Variants in PARD3B observed in about 807,000 individuals in gnomAD.
PARD3B encodes the protein partitioning defective 3 homolog B.
In PARD3B, 103 loss-of-function variants were observed where a neutral mutation model predicts 130.2. That is an observed-to-expected ratio of 0.79 (90% CI 0.67 to 0.93). The LOEUF (loss-of-function observed/expected upper bound fraction) is 0.93. PARD3B is among the 40% of genes least tolerant of loss of function. The probability of loss-of-function intolerance (pLI) is 0.00; values close to 1 mark genes in which losing one functional copy is unlikely to be tolerated. For missense variants in PARD3B, 1,609 were observed against 1,499.2 expected, an observed-to-expected ratio of 1.07 and a Z score of -1.21; for synonymous variants, 583 against 553.2, an observed-to-expected ratio of 1.05 and a Z score of -0.76.
chr2:205,537,999 G>A (rs1235764159), intron 21 of PARD3B, among the ~76,000 whole-genome samples: 1 of 152,072 alleles, frequency 6.6e-6, no homozygotes, highest in Non-Finnish European at 1.5e-5. Context: ...GCTTGCCTAT[G>A]TTATGTCTCT....
chr2:204,631,804 CA>C (rs2034689698), intron 1 of PARD3B, among the ~76,000 whole-genome samples: 1 of 152,082 alleles, frequency 6.6e-6, no homozygotes, highest in African/African-American at 2.4e-5. Flanking sequence ...CTGGTGGTAA[CA>C]AATTCCCTCA....
intron 2 of PARD3B, among the ~76,000 whole-genome samples, chr2:204,944,520 A>G (rs1267993008): frequency 1.3e-5 from 2 of 152,192 alleles, no homozygotes; most frequent in African/African-American, 2.4e-5. Flanking sequence ...GTCTGAGGAA[A>G]GGGATCCCAT....
chr2:204,873,757 T>C (rs1393727714), intron 2 of PARD3B, among the ~76,000 whole-genome samples: 1 of 152,164 alleles, frequency 6.6e-6, no homozygotes, highest in Non-Finnish European at 1.5e-5. Context: ...GTAATGATTC[T>C]AGCTGCAAAT....
intron 2 of PARD3B, among the ~76,000 whole-genome samples, chr2:204,847,740 T>C (rs1416978855): frequency 6.6e-6 from 1 of 152,176 alleles, no homozygotes; most frequent in African/African-American, 2.4e-5. Context: ...ATAACGTCCC[T>C]GAAGCATAAG....
At chr2:205,053,554 C>T (rs747200901) in intron 4 of PARD3B, among the ~76,000 whole-genome samples, 12 of 151,550 alleles carry the variant, frequency 7.9e-5, no homozygotes, top group Admixed American at 4.0e-4. Context: ...GCAGGACAAT[C>T]GCTTGAACCT....
intron 20 of PARD3B, among the ~76,000 whole-genome samples, chr2:205,462,644 G>A (rs2048489853): frequency 6.6e-6 from 1 of 152,168 alleles, no homozygotes; most frequent in African/African-American, 2.4e-5. Context: ...TGGAGTTCTA[G>A]TAGATGATGC....
intron 2 of PARD3B, among the ~76,000 whole-genome samples, chr2:204,834,401 C>T (rs1482068932): frequency 1.3e-5 from 2 of 152,142 alleles, no homozygotes; most frequent in Non-Finnish European, 2.9e-5. Context: ...AGTAATTTGT[C>T]AGTTTTACAT....
chr2:205,571,682 G>A (rs919922110), intron 22 of PARD3B, among the ~76,000 whole-genome samples: 1 of 152,130 alleles, frequency 6.6e-6, no homozygotes, highest in Non-Finnish European at 1.5e-5. Context: ...GCTCTCCATC[G>A]AGAAGAGCAG....
chr2:205,378,635 CTTTTT>C (rs559839181), intron 18 of PARD3B, among the ~76,000 whole-genome samples: 1 of 137,128 alleles, frequency 7.3e-6, no homozygotes, highest in African/African-American at 2.7e-5. Context: ...ATTTTTTTTT[CTTTTT>C]TTTTTTTTTT....
intron 4 of PARD3B, among the ~76,000 whole-genome samples, chr2:205,058,953 C>CT (rs67253000): frequency 4.9e-4 from 72 of 147,350 alleles, no homozygotes; most frequent in African/African-American, 1.5e-3. Flanking sequence ...TTCAATTTTT[C>CT]TTTTTTTTTT....
At position 205,121,983 on chromosome 2, in the gene PARD3B, T is replaced by G; in HGVS notation, c.1165+34T>G. 1 of 1,510,482 alleles carries G rather than the reference T, an allele frequency of 6.6e-7. No homozygotes were observed. Among genetic ancestry groups the G allele is most frequent in the Non-Finnish European group, 9.0e-7 (1 of 1,112,408 alleles). 93.6% of individuals were successfully genotyped at this position (1,510,482 alleles called of 1,614,324 possible). A position where few individuals can be genotyped will look rare whatever the true frequency, so the allele number is the denominator to read the frequency against. ...TAAATTATGCCTAATAGCATTCTAT[T>G]ATTGTAACATGTAAAATTGGTTAAG... On this transcript the variant is annotated intron_variant, in intron 8 of 22. Transcript: ENST00000406610. This position sits in a 1 kb window ranked among gnomAD's most constrained non-coding sequence, Gnocchi z 5.0.
rs1355095061 is a variant in PARD3B at position 205,204,680 on chromosome 2, TCCC to T, written c.2140+11361_2140+11363del. Among the ~76,000 whole-genome samples the T allele has an allele frequency of 2.6e-5, 4 of 152,336 alleles. No homozygotes were observed. The East Asian group carries it at 7.7e-4, about 29-fold the overall frequency. ...GTTTTCTGCGTGTGGCTAGCAATTT[TCCC>T]AACACCATTTATTAAATAGGGAATC... On this transcript the variant is annotated intron_variant, in intron 15 of 22. Coordinates refer to ENST00000406610, the MANE Select transcript of PARD3B (RefSeq NM_001302769.2).
chr2:205,453,319 T>C (rs1198714477), intron 20 of PARD3B, among the ~76,000 whole-genome samples: 1 of 151,968 alleles, frequency 6.6e-6, no homozygotes, highest in Non-Finnish European at 1.5e-5. Context: ...AAACCACATA[T>C]ATTAGAAGAG....
chr2:204,875,235 T>G (rs2045791234), intron 2 of PARD3B, among the ~76,000 whole-genome samples: 3 of 152,210 alleles, frequency 2.0e-5, no homozygotes, highest in Admixed American at 2.0e-4. Flanking sequence ...AGCCTTTTAC[T>G]CATTGGCAGT....
At chr2:205,378,327 T>G (rs576593613) in intron 18 of PARD3B, among the ~76,000 whole-genome samples, 2 of 152,302 alleles carry the variant, frequency 1.3e-5, no homozygotes, top group East Asian at 3.9e-4. Context: ...ACAGGCAGGT[T>G]GAACAAAGGG....
chr2:204,634,496 G>A (rs975333821), intron 1 of PARD3B, among the ~76,000 whole-genome samples: 4 of 152,132 alleles, frequency 2.6e-5, no homozygotes, highest in African/African-American at 9.7e-5. Flanking sequence ...ACCATGCATT[G>A]CAGGTGAGTC....
chr2:204,666,296 G>A (rs2036020301), intron 1 of PARD3B, among the ~76,000 whole-genome samples: 1 of 152,188 alleles, frequency 6.6e-6, no homozygotes, highest in African/African-American at 2.4e-5. Flanking sequence ...GAGAACTGAG[G>A]AAGGATTCAT....
chr2:205,053,537 G>A (rs1029870465), intron 4 of PARD3B, among the ~76,000 whole-genome samples: 3 of 151,852 alleles, frequency 2.0e-5, no homozygotes, highest in Admixed American at 2.0e-4. Context: ...GCACTTGAGA[G>A]GCTGAGGCAG....
intron 3 of PARD3B, among the ~76,000 whole-genome samples, chr2:204,982,114 T>C (rs1692720985): frequency 6.6e-6 from 1 of 152,176 alleles, no homozygotes; most frequent in African/African-American, 2.4e-5. Context: ...CTTTTATTTT[T>C]TATTTTTATA....
Sources: gnomAD v4.1 joint callset for allele counts (sites outside exome capture counted in the v4.1 genomes callset) on GRCh38, gnomAD v4.1.1 for gene constraint, Gnocchi (gnomAD v3.1) non-coding constraint, MANE v1.5 for transcripts, NCBI Gene and HGNC (gene_info 2026-07-23, HGNC 2026-07-21) for gene names.